The following CADPS2 variants were observed in gnomAD, a reference collection of about 807,000 sequenced individuals.
CADPS2 encodes the protein calcium-dependent secretion activator 2.
CADPS2 carries 93 observed loss-of-function variants against 172.5 expected under a neutral mutation model. The ratio of observed to expected loss-of-function variants is 0.54; its 90% CI spans 0.46 to 0.64. CADPS2 has a LOEUF of 0.64. Among genes scored for constraint, CADPS2 ranks in the 30% least tolerant of loss-of-function variants. CADPS2 has a pLI of 0.00. For synonymous variants in CADPS2, 546 were observed against 555.2 expected, an observed-to-expected ratio of 0.98 and a Z score of 0.23; for missense variants, 1,420 against 1,565.9, an observed-to-expected ratio of 0.91 and a Z score of 1.57.
chr7:122,526,674 C>T (rs2061264381), intron 8 of CADPS2, among the ~76,000 whole-genome samples: 1 of 152,176 alleles, frequency 6.6e-6, no homozygotes, highest in Non-Finnish European at 1.5e-5. Flanking sequence ...TCTTGAGTCT[C>T]ATATTTCCCA....
chr7:122,392,297 T>C (rs1258385339), intron 22 of CADPS2, among the ~76,000 whole-genome samples: 2 of 151,888 alleles, frequency 1.3e-5, no homozygotes, highest in Non-Finnish European at 2.9e-5. Flanking sequence ...AAAACAACAA[T>C]GTAGAGTAGT....
intron 1 of CADPS2, among the ~76,000 whole-genome samples, chr7:122,796,528 T>C (rs1796410760): frequency 6.6e-6 from 1 of 151,964 alleles, no homozygotes; most frequent in Non-Finnish European, 1.5e-5. Context: ...CATAAACCAA[T>C]GGAACAGCAT....
In CADPS2 at chr7:122,805,146, T is replaced by A. The variant is rs932288926; in HGVS notation, c.340-68078A>T. 3.4e-5 allele frequency among the ~76,000 whole-genome samples: 5 copies of A among 147,684 alleles called. No homozygotes were observed. In the East Asian group the frequency reaches 9.8e-4, roughly 29 times the overall value. On this transcript the variant is annotated intron_variant, in intron 1 of 29. Coordinates refer to ENST00000449022, the MANE Select transcript of CADPS2 (RefSeq NM_017954.11). ...GGTACCCTGATAAATGCTGAAAGCA[T>A]TTTCAATCATTATTATTATTATTAT...
intron 17 of CADPS2, among the ~76,000 whole-genome samples, chr7:122,420,539 G>C (rs2151803363): frequency 6.6e-6 from 1 of 152,334 alleles, no homozygotes; most frequent in African/African-American, 2.4e-5. Flanking sequence ...GCATTCTACA[G>C]TCATAATTCT....
chr7:122,676,226 C>T (rs1269986382), intron 2 of CADPS2, among the ~76,000 whole-genome samples: 1 of 152,066 alleles, frequency 6.6e-6, no homozygotes, highest in Non-Finnish European at 1.5e-5. Context: ...GAAACACCTA[C>T]AATACATTAG....
At chr7:122,458,594 G>C (rs2054077184) in intron 14 of CADPS2, among the ~76,000 whole-genome samples, 2 of 152,072 alleles carry the variant, frequency 1.3e-5, no homozygotes, top group African/African-American at 2.4e-5. Flanking sequence ...TCCTTGTCTG[G>C]ATTTTGCACT....
At chr7:122,763,448 G>T (rs1286717338) in intron 1 of CADPS2, among the ~76,000 whole-genome samples, 1 of 152,102 alleles carries the variant, frequency 6.6e-6, no homozygotes, top group Non-Finnish European at 1.5e-5. Flanking sequence ...AGAAATATGG[G>T]TCATATGTAT....
intron 1 of CADPS2, among the ~76,000 whole-genome samples, chr7:122,812,581 G>A (rs976252021): frequency 6.6e-6 from 1 of 151,986 alleles, no homozygotes; most frequent in Non-Finnish European, 1.5e-5. Context: ...TCAAAAATAG[G>A]TACTGGAATT....
chr7:122,607,176 T>G (rs1296504830), intron 6 of CADPS2, among the ~76,000 whole-genome samples: 1 of 152,166 alleles, frequency 6.6e-6, no homozygotes, highest in Non-Finnish European at 1.5e-5. Context: ...TTTTTCCCAC[T>G]ACAGGTTTCT....
At chr7:122,672,773 A>G (rs1395583690) in intron 2 of CADPS2, among the ~76,000 whole-genome samples, 2 of 152,240 alleles carry the variant, frequency 1.3e-5, no homozygotes, top group East Asian at 3.9e-4. Context: ...GCCACTGGGC[A>G]CACAACTTAT....
intron 15 of CADPS2, among the ~76,000 whole-genome samples, chr7:122,450,131 A>G (rs2052862782): frequency 6.6e-6 from 1 of 152,228 alleles, no homozygotes; most frequent in African/African-American, 2.4e-5. Flanking sequence ...GAGTCTCAGC[A>G]TGGTCATACA....
chr7:122,578,067 G>T (rs1049343503), intron 7 of CADPS2, among the ~76,000 whole-genome samples: 14 of 149,770 alleles, frequency 9.3e-5, no homozygotes, highest in African/African-American at 1.2e-4. Flanking sequence ...TAGAAAAGTA[G>T]ATATATATAT....
intron 14 of CADPS2, among the ~76,000 whole-genome samples, chr7:122,460,234 C>T (rs935904189): frequency 1.3e-5 from 2 of 151,764 alleles, no homozygotes; most frequent in Admixed American, 1.3e-4. Context: ...TTGTCCAGCT[C>T]TTACTAGAAA....
At position 122,881,170 on chromosome 7, in the gene CADPS2, T is replaced by C. The variant is rs182275844; in HGVS notation, c.339+4829A>G. The stretch of plus-strand genomic sequence containing the variant: ...AAACTGTGTTTACTTTGTAAAAGTA[T>C]GAATGAAGAGAGCTGTTTCCATTAA... On this transcript the variant is annotated intron_variant, in intron 1 of 29. Transcript: ENST00000449022. Among the ~76,000 whole-genome samples, 346 of 152,298 alleles carry C rather than the reference T, an allele frequency of 2.3e-3. 1 individual carries two copies. The highest frequency in any genetic ancestry group is 0.01 in the Middle Eastern group (3 of 294).
rs536642848 is a variant in CADPS2 at position 122,725,381 on chromosome 7, G to A, written c.453+11574C>T. On this transcript the variant is annotated intron_variant, in intron 2 of 29. Transcript: ENST00000449022. Reference sequence around the variant, plus strand: ...TATATATGCATATGCGTGTGTGTGTGTATATGTGGATGGATGGATGGATGG... The same window carrying A: ...TATATATGCATATGCGTGTGTGTGTATATATGTGGATGGATGGATGGATGG... Among the ~76,000 whole-genome samples the A allele has an allele frequency of 4.6e-5, 7 of 151,918 alleles. No homozygotes were observed. The South Asian group carries it at 1.5e-3, about 32-fold the overall frequency.
chr7:122,354,980 C>G (rs1029915852), intron 27 of CADPS2, among the ~76,000 whole-genome samples: 12 of 152,122 alleles, frequency 7.9e-5, no homozygotes, highest in African/African-American at 2.9e-4. Flanking sequence ...TGAAGAGGCA[C>G]GTGCCTGGAA....
At chr7:122,607,143 T>C (rs1199249607) in intron 6 of CADPS2, among the ~76,000 whole-genome samples, 1 of 152,136 alleles carries the variant, frequency 6.6e-6, no homozygotes, top group African/African-American at 2.4e-5. Context: ...AAAGCAAGAA[T>C]GGATAAAAGG....
chr7:122,483,657 T>A lies in CADPS2; in HGVS notation c.1853-2797A>T, dbSNP rs181993220. Among the ~76,000 whole-genome samples, 554 of 152,248 alleles carry A rather than the reference T, an allele frequency of 3.6e-3. 1 individual carries two copies. The highest frequency in any genetic ancestry group is 6.2e-3 in the Non-Finnish European group (420 of 67,984). ...GGCAATAATCATAATAGCAATGTATTGTGGGATTTACCACATATATAGAAG... is the reference window on the plus strand; with the variant it reads ...GGCAATAATCATAATAGCAATGTATAGTGGGATTTACCACATATATAGAAG... On this transcript the variant is annotated intron_variant, in intron 11 of 29. Coordinates refer to ENST00000449022, the MANE Select transcript of CADPS2 (RefSeq NM_017954.11).
In CADPS2 at chr7:122,707,404, A is replaced by G. The variant is rs555934823; in HGVS notation, c.453+29551T>C. Among the ~76,000 whole-genome samples, 4 of 152,146 alleles carry G rather than the reference A, an allele frequency of 2.6e-5. No homozygotes were observed. In the East Asian group the frequency reaches 5.8e-4, roughly 22 times the overall value. Reference sequence around the variant, plus strand: ...ACTAACTGACCTCTACCCCTCTGCTATTCTTTGATCTCTATGGGTAAGAGT... The same window carrying G: ...ACTAACTGACCTCTACCCCTCTGCTGTTCTTTGATCTCTATGGGTAAGAGT... On this transcript the variant is annotated intron_variant, in intron 2 of 29. Transcript: ENST00000449022.
Sources: allele counts gnomAD v4.1 joint callset (sites outside exome capture counted in the v4.1 genomes callset), GRCh38; gene constraint gnomAD v4.1.1; transcripts MANE v1.5; gene names NCBI Gene and HGNC (gene_info 2026-07-23, HGNC 2026-07-21).